Variants in C14orf132 observed in about 807,000 individuals in gnomAD.
C14orf132 encodes chromosome 14 open reading frame 132, also known as uncharacterized protein C14orf132.
Under a neutral mutation model 5.8 loss-of-function variants are expected in C14orf132, and 6 were observed. The ratio of observed to expected loss-of-function variants is 1.03; its 90% CI spans 0.57 to 2.04. The LOEUF (loss-of-function observed/expected upper bound fraction) is 2.04, where lower values mean the gene tolerates loss of function less well. C14orf132 is among the 30% of genes most tolerant of loss of function. The pLI is 0.00. For missense variants in C14orf132, 125 were observed against 115.8 expected, an observed-to-expected ratio of 1.08 and a Z score of -0.37; for synonymous variants, 51 against 49.8, an observed-to-expected ratio of 1.02 and a Z score of -0.10.
chr14:96,092,944 C>CA lies in C14orf132; in HGVS notation c.*6210dup, dbSNP rs1566841989. 6.6e-6 allele frequency: 1 copy of CA among 152,214 alleles called. No individual in the cohort carries two copies. Among genetic ancestry groups the CA allele is most frequent in the African/African-American group, 2.4e-5 (1 of 41,434 alleles). The allele number at this position is 152,214 out of a possible 1,614,324, so 9.4% of individuals were successfully genotyped here. On this transcript the variant is annotated 3_prime_UTR_variant, in exon 2 of 2. Coordinates refer to ENST00000555004, the MANE Select transcript of C14orf132 (RefSeq NM_001252507.3). The stretch of plus-strand genomic sequence containing the variant: ...TCCTACAATGCACAGGGCAGCCCCC[C>CA]ACAAATAAGAATTATCCAGCCCCAA...
intron 1 of C14orf132, among the ~76,000 whole-genome samples, chr14:96,081,765 A>AT (rs1043733577): frequency 5.3e-5 from 8 of 151,670 alleles, no homozygotes; most frequent in African/African-American, 1.7e-4. Context: ...CACTCCGCTA[A>AT]TTTTTTTTAT....
chr14:96,086,726 C>T lies in C14orf132; in HGVS notation c.243C>T (p.Phe81=), dbSNP rs1888205283. The T allele has an allele frequency of 6.5e-7, 1 of 1,536,094 alleles. No individual in the cohort carries two copies. The highest frequency in any genetic ancestry group is 8.7e-7 in the Non-Finnish European group (1 of 1,146,882). ...NIVVVGVVYA[F]TF ...TGGTGGTGGGCGTGGTGTATGCCTT[C>T]ACCTTCTGAGGACGGCACACCCTGC... Residue 81 remains phenylalanine (F), a synonymous_variant, in exon 2 of 2, where the codon TTC becomes TTT. Coordinates refer to ENST00000555004, the MANE Select transcript of C14orf132 (RefSeq NM_001252507.3).
intron 1 of C14orf132, among the ~76,000 whole-genome samples, chr14:96,076,085 A>G (rs567296424): frequency 1.3e-5 from 2 of 152,286 alleles, no homozygotes; most frequent in East Asian, 3.9e-4. Flanking sequence ...AATTTAACTT[A>G]TTTAATAGCT....
intron 1 of C14orf132, among the ~76,000 whole-genome samples, chr14:96,045,270 C>T (rs1353009965): frequency 1.3e-5 from 2 of 152,166 alleles, no homozygotes; most frequent in African/African-American, 2.4e-5. Context: ...ATCAGGCAAG[C>T]CTTCAGGGGT....
chr14:96,061,099 C>T (rs1040448002), intron 1 of C14orf132, among the ~76,000 whole-genome samples: 7 of 151,818 alleles, frequency 4.6e-5, no homozygotes, highest in African/African-American at 1.7e-4. Flanking sequence ...ATTACCATTT[C>T]CCTGGTGCTG....
At chr14:96,066,868 A>G (rs910672475) in intron 1 of C14orf132, among the ~76,000 whole-genome samples, 3 of 152,242 alleles carry the variant, frequency 2.0e-5, no homozygotes, top group African/African-American at 7.2e-5. Flanking sequence ...TTCTAGGAAT[A>G]AATTAGTGTA....
intron 1 of C14orf132, among the ~76,000 whole-genome samples, chr14:96,063,610 T>C (rs1887428461): frequency 6.6e-6 from 1 of 152,136 alleles, no homozygotes; most frequent in African/African-American, 2.4e-5. Flanking sequence ...CACCCAGCCA[T>C]GTGGCATCCT....
At chr14:96,065,810 G>C (rs1887513757) in intron 1 of C14orf132, among the ~76,000 whole-genome samples, 1 of 152,160 alleles carries the variant, frequency 6.6e-6, no homozygotes, top group Non-Finnish European at 1.5e-5. Flanking sequence ...GGAGGCTGCT[G>C]ACCCACACAG....
chr14:96,055,061 A>G (rs1229180008), intron 1 of C14orf132, among the ~76,000 whole-genome samples: 1 of 152,182 alleles, frequency 6.6e-6, no homozygotes, highest in African/African-American at 2.4e-5. Context: ...TTTGCCTTCA[A>G]GTTAGTCTTC....
chr14:96,042,829 C>T (rs1886730116), intron 1 of C14orf132, among the ~76,000 whole-genome samples: 1 of 152,198 alleles, frequency 6.6e-6, no homozygotes, highest in South Asian at 2.1e-4. Context: ...AACACCCCAG[C>T]CCCACTCCAC....
chr14:96,063,340 G>A (rs138051860), intron 1 of C14orf132, among the ~76,000 whole-genome samples: 5 of 152,038 alleles, frequency 3.3e-5, no homozygotes, highest in Admixed American at 6.6e-5. Context: ...ACAGAGTCTC[G>A]CTCTGTCACC....
At chr14:96,056,116 G>C (rs1238207598) in intron 1 of C14orf132, among the ~76,000 whole-genome samples, 2 of 152,232 alleles carry the variant, frequency 1.3e-5, no homozygotes, top group Non-Finnish European at 2.9e-5. Flanking sequence ...TGGATAGCTT[G>C]AGCCTCTCAG....
At chr14:96,050,618 A>T (rs1227433771) in intron 1 of C14orf132, among the ~76,000 whole-genome samples, 1 of 151,722 alleles carries the variant, frequency 6.6e-6, no homozygotes, top group African/African-American at 2.4e-5. Context: ...ATACTCTGCC[A>T]TGTGGTCTCC....
intron 1 of C14orf132, among the ~76,000 whole-genome samples, chr14:96,065,640 T>G (rs1043301793): frequency 2.0e-5 from 3 of 151,640 alleles, no homozygotes; most frequent in Non-Finnish European, 2.9e-5. Flanking sequence ...ACCTCTGGCT[T>G]CTAGCCTGAC....
intron 1 of C14orf132, among the ~76,000 whole-genome samples, chr14:96,079,823 T>C (rs537651967): frequency 5.1e-4 from 77 of 152,324 alleles, no homozygotes; most frequent in African/African-American, 1.7e-3. Context: ...ACTGAAGGCG[T>C]GGTCCCTTGT....
chr14:96,069,360 C>A (rs1441330111), intron 1 of C14orf132, among the ~76,000 whole-genome samples: 1 of 146,870 alleles, frequency 6.8e-6, no homozygotes, highest in African/African-American at 2.5e-5. Flanking sequence ...TTGGTAGAGA[C>A]TATTGATTTC....
At chr14:96,040,933 G>A (rs1886676953) in intron 1 of C14orf132, among the ~76,000 whole-genome samples, 1 of 152,098 alleles carries the variant, frequency 6.6e-6, no homozygotes, top group South Asian at 2.1e-4. Context: ...CTGAACCTCC[G>A]GAATTTCCAT....
In C14orf132 at chr14:96,089,779, G is replaced by T. The variant is rs542050825; in HGVS notation, c.*3044G>T. On this transcript the variant is annotated 3_prime_UTR_variant, in exon 2 of 2. Transcript: ENST00000555004. ...AGAGACTGGTTTTCTTGGGATGCAGGCAGAAGGGGACCCTCCCTGGCCAAC... is the reference window on the plus strand; with the variant it reads ...AGAGACTGGTTTTCTTGGGATGCAGTCAGAAGGGGACCCTCCCTGGCCAAC... 6.6e-6 allele frequency: 1 copy of T among 152,370 alleles called. No homozygotes were observed. The highest frequency in any genetic ancestry group is 2.1e-4 in the South Asian group (1 of 4,824). The allele number at this position is 152,370 out of a possible 1,614,324, so 9.4% of individuals were successfully genotyped here.
chr14:96,063,682 AC>A (rs1284337791), intron 1 of C14orf132, among the ~76,000 whole-genome samples: 4 of 152,138 alleles, frequency 2.6e-5, no homozygotes, highest in Admixed American at 6.5e-5. Flanking sequence ...GTGACCAAGA[AC>A]CCAAAAGCAA....
Sources: gnomAD v4.1 joint callset for allele counts (sites outside exome capture counted in the v4.1 genomes callset) on GRCh38, gnomAD v4.1.1 for gene constraint, MANE v1.5 for transcripts, NCBI Gene and HGNC (gene_info 2026-07-23, HGNC 2026-07-21) for gene names.